The following ESPL1 variants were observed in gnomAD, a reference collection of about 807,000 sequenced individuals.
ESPL1 encodes the protein separin.
Under a neutral mutation model 217.2 loss-of-function variants are expected in ESPL1, and 50 were observed. That is an observed-to-expected ratio of 0.23 (90% CI 0.18 to 0.29). ESPL1 has a LOEUF of 0.29. Among genes scored for constraint, ESPL1 ranks in the 10% least tolerant of loss-of-function variants. ESPL1 has a pLI of 1.00. For synonymous variants in ESPL1, 994 were observed against 1,081.3 expected (o/e 0.92, Z 1.58); for missense variants, 1,834 against 2,603.0 (o/e 0.70, Z 6.43).
Position 53,291,006 on chromosome 12 carries a change from GA to G in ESPL1, c.5520+13del. On this transcript the variant is annotated intron_variant, in intron 25 of 30. Coordinates refer to ENST00000257934, the MANE Select transcript of ESPL1 (RefSeq NM_012291.5). ...CCGCACTCTGCTGAAAGTGAGTGAG[GA>G]AAGCAGGGAAGGGGGCCAGGCCCAG... 6.4e-7 allele frequency: 1 copy of G among 1,568,642 alleles called. No homozygotes were observed. The highest frequency in any genetic ancestry group is 8.6e-7 in the Non-Finnish European group (1 of 1,156,422).
chr12:53,274,765 TA>T (rs1329849400), intron 6 of ESPL1, 51 bp from the exon 7 acceptor site: 2 of 1,467,276 alleles, frequency 1.4e-6, no homozygotes, highest in Non-Finnish European at 1.9e-6. Flanking sequence ...CCTTCCACCA[TA>T]CACACTCACT....
Position 53,288,123 on chromosome 12 carries a change from G to A in ESPL1, c.4328G>A (p.Gly1443Asp). Reference sequence around the variant, plus strand: ...AAGACGGATGCCGTGGTTGCCCCAGGTAGTGCCCCTGGGAACCCTGGCCTG... The same window carrying A: ...AAGACGGATGCCGTGGTTGCCCCAGATAGTGCCCCTGGGAACCCTGGCCTG... ...SLKTDAVVAP[G>D]SAPGNPGLNG... is the part of the protein sequence containing the mutation. Residue 1443 changes from glycine (G) to aspartate (D), a missense_variant, in exon 19 of 31, where the codon GGT becomes GAT. Physicochemically the swap from Gly to Asp is moderately conservative, Grantham distance 94. Around this residue, in one of 5 missense-constraint regions of ESPL1, gnomAD observed 681 missense variants for 808.0 expected, o/e 0.84. Coordinates refer to ENST00000257934, the MANE Select transcript of ESPL1 (RefSeq NM_012291.5). 1.2e-6 allele frequency: 2 copies of A among 1,613,766 alleles called. No homozygotes were observed. The highest frequency in any genetic ancestry group is 1.1e-5 in the South Asian group (1 of 91,068).
chr12:53,283,278 AG>A, intron 15 of ESPL1, 21 bp downstream of exon 15: 1 of 1,614,014 alleles, frequency 6.2e-7, no homozygotes, highest in Non-Finnish European at 8.5e-7. Context: ...GGAGGACAGC[AG>A]GGCCCTCTTG....
rs1297405685 is a variant in ESPL1, at chr12:53,289,657, G to A, written c.5113+63G>A. 2.8e-6 allele frequency: 4 copies of A among 1,421,196 alleles called. No homozygotes were observed. The East Asian group carries it at 9.2e-5, about 33-fold the overall frequency. 88.0% of individuals were successfully genotyped at this position (1,421,196 alleles called of 1,614,324 possible). A position where few individuals can be genotyped will look rare whatever the true frequency, so the allele number is the denominator to read the frequency against. Reference sequence around the variant, plus strand: ...TTCTGCATCTTCTTACTTGGGAGCTGGGTGAAGGAGTTTTAGGCATTGGTT... The same window carrying A: ...TTCTGCATCTTCTTACTTGGGAGCTAGGTGAAGGAGTTTTAGGCATTGGTT... On this transcript the variant is annotated intron_variant, in intron 22 of 30. Transcript: ENST00000257934.
rs1193512564 is a variant in ESPL1, at chr12:53,279,836, C to G, written c.2469C>G (p.Leu823=). The change falls in exon 12 of 31, where the codon CTC becomes CTG. Residue 823 remains leucine (L), a synonymous_variant. Coordinates refer to ENST00000257934, the MANE Select transcript of ESPL1 (RefSeq NM_012291.5). ...CCTCCTGCCACATCACCCAGCTCCT[C>G]CTGACCCTCGGCTGTCCCAGCTATG... The part of the protein sequence containing the change: ...AGSSCHITQL[L]LTLGCPSYAQ... 1 of 1,608,682 alleles carries G rather than the reference C, an allele frequency of 6.2e-7. No individual in the cohort carries two copies. Among genetic ancestry groups the G allele is most frequent in the Non-Finnish European group, 8.5e-7 (1 of 1,177,052 alleles).
Position 53,288,620 on chromosome 12 carries a change from G to A in ESPL1, c.4629G>A (p.Leu1543=), listed in dbSNP as rs1476793747. The A allele has an allele frequency of 6.2e-7, 1 of 1,613,804 alleles. No individual in the cohort carries two copies. The highest frequency in any genetic ancestry group is 8.5e-7 in the Non-Finnish European group (1 of 1,180,022). The change falls in exon 20 of 31, where the codon CTG becomes CTA. Residue 1543 remains leucine, a synonymous_variant. Transcript: ENST00000257934. ...GGCTGGATTCCAGCAAGAAGAAGCT[G>A]CCCAGCCCATGCCCAGACAAGGAGA... ...LLRLDSSKKK[L]PSPCPDKESD... is the part of the protein sequence containing the mutation.
At chr12:53,268,636 T>C (rs1943610212) in intron 1 of ESPL1, 119 bp from the exon 2 acceptor site, 3 of 636,602 alleles carry the variant, frequency 4.7e-6, no homozygotes, top group Non-Finnish European at 2.7e-6. Context: ...TGGCGTGGGT[T>C]TTCTCCCCGA....
intron 18 of ESPL1, chr12:53,287,262 C>T (rs1211165433): frequency 1.0e-4 from 19 of 185,104 alleles, no homozygotes; most frequent in Middle Eastern, 2.3e-3. Flanking sequence ...TCAGTAGAGA[C>T]GGGGTTTCAC....
Position 53,270,006 on chromosome 12 carries a change from A to G in ESPL1, c.1064A>G (p.Tyr355Cys), listed in dbSNP as rs764509657. 11 of 1,614,094 alleles carry G rather than the reference A, an allele frequency of 6.8e-6. No individual in the cohort carries two copies. Among genetic ancestry groups the G allele is most frequent in the Admixed American group, 5.0e-5 (3 of 59,998 alleles). ...CTGGAACGAGGCACCAAGAGGCGCTATAGACTTGATGCCATTCTGAGCCTC... is the reference window on the plus strand; with the variant it reads ...CTGGAACGAGGCACCAAGAGGCGCTGTAGACTTGATGCCATTCTGAGCCTC... ...SGLERGTKRR[Y>C]RLDAILSLFA... is the part of the protein sequence containing the mutation. Residue 355 changes from tyrosine (Y) to cysteine (C), a missense_variant, in exon 3 of 31, where the codon TAT becomes TGT. Transcript: ENST00000257934.
In ESPL1 at chr12:53,270,099, C is replaced by T; in HGVS notation, c.1143+14C>T. ...CGGGATGATGGTGTGAGTTAAGGACCTGGAGGTAGGGTGGGGACGTGGTCT... is the reference window on the plus strand; with the variant it reads ...CGGGATGATGGTGTGAGTTAAGGACTTGGAGGTAGGGTGGGGACGTGGTCT... On this transcript the variant is annotated intron_variant, in intron 3 of 30. Coordinates refer to ENST00000257934, the MANE Select transcript of ESPL1 (RefSeq NM_012291.5). The T allele has an allele frequency of 6.3e-7, 1 of 1,588,634 alleles. No homozygotes were observed. Among genetic ancestry groups the T allele is most frequent in the South Asian group, 1.1e-5 (1 of 87,134 alleles).
rs555778659 is a variant in ESPL1, at chr12:53,272,571, G to A, written c.1370-150G>A. ...TATTTGGGGCAGGAAGGGGAGAGCC[G>A]CCCCTTCCCCATTCCTAGCAGTAGG... On this transcript the variant is annotated intron_variant, in intron 5 of 30. Transcript: ENST00000257934. 126 of 843,918 alleles carry A rather than the reference G, an allele frequency of 1.5e-4. 1 individual carries two copies. The East Asian group carries it at 3.1e-3, about 21-fold the overall frequency. The allele number at this position is 843,918 out of a possible 1,614,324, so 52.3% of individuals were successfully genotyped here. A position where few individuals can be genotyped will look rare whatever the true frequency, so the allele number is the denominator to read the frequency against.
At chr12:53,270,904 TG>T in intron 5 of ESPL1, 106 bp downstream of exon 5, 1 of 1,263,288 alleles carries the variant, frequency 7.9e-7, no homozygotes. Flanking sequence ...GGGTTCCTTA[TG>T]GTTCAAGGAG....
intron 8 of ESPL1, 56 bp downstream of exon 8, chr12:53,276,915 C>G: frequency 6.3e-7 from 1 of 1,588,052 alleles, no homozygotes; most frequent in Non-Finnish European, 8.6e-7. Flanking sequence ...GTCCTCTCAC[C>G]CTCTTGAGAA....
chr12:53,277,464 A>T lies in ESPL1; in HGVS notation c.2086-6A>T. On this transcript the variant is annotated splice_region_variant and splice_polypyrimidine_tract_variant and intron_variant, in intron 9 of 30. Transcript: ENST00000257934. ...CCCTGTTTTATACCCCGATCTTCCC[A>T]TCCAGGGTATCGAGCGGGATCGGAG... The T allele has an allele frequency of 6.2e-7, 1 of 1,613,706 alleles. No homozygotes were observed. The highest frequency in any genetic ancestry group is 2.2e-5 in the East Asian group (1 of 44,886).
intron 25 of ESPL1, among the ~76,000 whole-genome samples, 183 bp downstream of exon 25, chr12:53,291,179 G>C (rs2121000108): frequency 6.6e-6 from 1 of 152,230 alleles, no homozygotes; most frequent in East Asian, 1.9e-4. Context: ...GCAGGCACCT[G>C]TAATTCCAGC....
At position 53,278,110 on chromosome 12, in the gene ESPL1, C is replaced by A. The variant is rs1943801846; in HGVS notation, c.2364+150C>A. 3.5e-5 allele frequency: 30 copies of A among 861,802 alleles called. 1 individual carries two copies. The South Asian group carries it at 4.8e-4, about 14-fold the overall frequency. 53.4% of individuals were successfully genotyped at this position (861,802 alleles called of 1,614,324 possible). On this transcript the variant is annotated intron_variant, in intron 11 of 30. Coordinates refer to ENST00000257934, the MANE Select transcript of ESPL1 (RefSeq NM_012291.5). ...CTGTATCACCAGTCTTATTTTAAAT[C>A]CAAGCTCCCTCATTCATTAGTGTAT...
chr12:53,290,032 G>A, intron 22 of ESPL1, 53 bp from the exon 23 acceptor site: 1 of 1,588,284 alleles, frequency 6.3e-7, no homozygotes, highest in East Asian at 2.2e-5. Flanking sequence ...CCCAAGACAG[G>A]GAAGGGAATT....
chr12:53,292,552 C>G lies in ESPL1; in HGVS notation c.5913-22C>G, dbSNP rs566492897. The stretch of plus-strand genomic sequence containing the variant: ...CCCCTGCCATGCATTTCCCTATTCT[C>G]ACACCTGCCTTTTCCCTGCAGTGAA... On this transcript the variant is annotated intron_variant, in intron 28 of 30. Coordinates refer to ENST00000257934, the MANE Select transcript of ESPL1 (RefSeq NM_012291.5). The surrounding 1 kb of genome is among the most constrained non-coding windows in gnomAD (Gnocchi z 4.5). 2 of 1,604,544 alleles carry G rather than the reference C, an allele frequency of 1.2e-6. No homozygotes were observed. Among genetic ancestry groups the G allele is most frequent in the South Asian group, 1.1e-5 (1 of 90,928 alleles).
Position 53,293,061 on chromosome 12 carries a change from G to C in ESPL1, c.6161+91G>C, listed in dbSNP as rs1193300840. The C allele has an allele frequency of 3.0e-6, 4 of 1,311,896 alleles. No homozygotes were observed. The highest frequency in any genetic ancestry group is 4.2e-6 in the Non-Finnish European group (4 of 947,726). The allele number at this position is 1,311,896 out of a possible 1,614,324, so 81.3% of individuals were successfully genotyped here. On this transcript the variant is annotated intron_variant, in intron 30 of 30. Coordinates refer to ENST00000257934, the MANE Select transcript of ESPL1 (RefSeq NM_012291.5). The surrounding 1 kb of genome is among the most constrained non-coding windows in gnomAD (Gnocchi z 4.2). ...CCCAGGTCTGAATCTTGCCTCTCTTGTGCCCCATTTTCCTCCTATCCTAGT... is the reference window on the plus strand; with the variant it reads ...CCCAGGTCTGAATCTTGCCTCTCTTCTGCCCCATTTTCCTCCTATCCTAGT...
Sources: allele counts gnomAD v4.1 joint callset (sites outside exome capture counted in the v4.1 genomes callset), GRCh38; gene constraint gnomAD v4.1.1; regional missense constraint gnomAD v4.1.1; non-coding constraint Gnocchi (gnomAD v3.1); transcripts MANE v1.5; gene names NCBI Gene and HGNC (gene_info 2026-07-23, HGNC 2026-07-21).